Variants in ZBTB7C observed in about 807,000 individuals in gnomAD.
The protein encoded by ZBTB7C is zinc finger and BTB domain-containing protein 7C.
Under a neutral mutation model 25.7 loss-of-function variants are expected in ZBTB7C, and 8 were observed. The ratio of observed to expected loss-of-function variants is 0.31; its 90% CI spans 0.18 to 0.56. The LOEUF (loss-of-function observed/expected upper bound fraction) is 0.56, where lower values mean the gene tolerates loss of function less well. Ranked by LOEUF, ZBTB7C falls within the 20% of genes least tolerant of loss-of-function variation. The probability of loss-of-function intolerance (pLI) is 0.91; values close to 1 mark genes in which losing one functional copy is unlikely to be tolerated. For missense variants in ZBTB7C, 824 were observed against 855.2 expected, an observed-to-expected ratio of 0.96 and a Z score of 0.46; for synonymous variants, 394 against 369.0, an observed-to-expected ratio of 1.07 and a Z score of -0.78.
rs184557784 is a variant in ZBTB7C, at chr18:48,351,398, C to T, written c.-303-13000G>A. On this transcript the variant is annotated intron_variant, in intron 1 of 4. Coordinates refer to ENST00000590800, the MANE Select transcript of ZBTB7C (RefSeq NM_001318841.2). ...CCAAGTTCAAAGGTGTTAAAAGACC[C>T]GTGGCTTTGGGTGTCTCAACCAGCA... is the stretch of plus-strand genomic sequence containing the variant. Among the ~76,000 whole-genome samples, 352 of 152,202 alleles carry T rather than the reference C, an allele frequency of 2.3e-3. 1 individual carries two copies. Among genetic ancestry groups the T allele is most frequent in the Non-Finnish European group, 3.8e-3 (259 of 67,994 alleles).
chr18:48,367,807 A>G (rs2047281988), intron 1 of ZBTB7C, among the ~76,000 whole-genome samples: 1 of 151,862 alleles, frequency 6.6e-6, no homozygotes, highest in African/African-American at 2.4e-5. Context: ...AGACTACCCC[A>G]ACCCCCAACC....
At chr18:48,219,436 T>C (rs894705437) in intron 2 of ZBTB7C, among the ~76,000 whole-genome samples, 12 of 152,232 alleles carry the variant, frequency 7.9e-5, no homozygotes, top group African/African-American at 2.9e-4. Context: ...TACTCCCTAC[T>C]GTATCCCAAT....
At chr18:48,367,861 C>T (rs761679678) in intron 1 of ZBTB7C, among the ~76,000 whole-genome samples, 1 of 151,850 alleles carries the variant, frequency 6.6e-6, no homozygotes, top group East Asian at 1.9e-4. Context: ...TGTAATGAGG[C>T]ACTCCAACTC....
chr18:48,074,368 T>C lies in ZBTB7C; in HGVS notation c.-16-33245A>G, dbSNP rs570242377. Among the ~76,000 whole-genome samples, 6 of 152,314 alleles carry C rather than the reference T, an allele frequency of 3.9e-5. No individual in the cohort carries two copies. The East Asian group carries it at 9.6e-4, about 24-fold the overall frequency. ...ATCTGGGGGGCAGTCATTCCTGAGA[T>C]ATCGCTTTTTCCTTCATATAACACA... On this transcript the variant is annotated intron_variant, in intron 3 of 4. Transcript: ENST00000590800.
chr18:48,276,287 T>TC (rs141078989), intron 2 of ZBTB7C, among the ~76,000 whole-genome samples: 14,513 of 150,226 alleles, frequency 0.097, 803 homozygotes, highest in South Asian at 0.17. Flanking sequence ...TTTTTTTTTT[T>TC]CTAAGTCTTT....
At chr18:48,270,822 G>A (rs1032054072) in intron 2 of ZBTB7C, among the ~76,000 whole-genome samples, 19 of 151,760 alleles carry the variant, frequency 1.3e-4, no homozygotes, top group South Asian at 1.0e-3. Flanking sequence ...TTACTGGCAC[G>A]CCCGGCCCTA....
intron 2 of ZBTB7C, among the ~76,000 whole-genome samples, chr18:48,295,823 A>G (rs1307740289): frequency 6.6e-6 from 1 of 152,118 alleles, no homozygotes; most frequent in East Asian, 1.9e-4. Context: ...GCCCAGCAGC[A>G]GCAGGAGGGG....
chr18:48,290,961 G>A (rs1015178891), intron 2 of ZBTB7C, among the ~76,000 whole-genome samples: 3 of 152,204 alleles, frequency 2.0e-5, no homozygotes, highest in Non-Finnish European at 4.4e-5. Flanking sequence ...ACATTCTCTA[G>A]GCTCTATAAA....
At chr18:48,240,151 C>A (rs2043485507) in intron 2 of ZBTB7C, among the ~76,000 whole-genome samples, 1 of 151,834 alleles carries the variant, frequency 6.6e-6, no homozygotes, top group Non-Finnish European at 1.5e-5. Flanking sequence ...TGAATTAACC[C>A]AATCCAACAA....
chr18:48,235,756 G>A (rs756517617), intron 2 of ZBTB7C, among the ~76,000 whole-genome samples: 6 of 152,124 alleles, frequency 3.9e-5, no homozygotes, highest in Admixed American at 6.5e-5. Flanking sequence ...GCACTTTGAA[G>A]ATGTCTTCTA....
chr18:48,051,767 G>A lies in ZBTB7C; in HGVS notation c.-16-10644C>T, dbSNP rs73953667. ...TTCAGTTTGCTAGGGTGCAACTGCA[G>A]GGTCAAGAGCTGGCGGGACACACCA... On this transcript the variant is annotated intron_variant, in intron 3 of 4. Coordinates refer to ENST00000590800, the MANE Select transcript of ZBTB7C (RefSeq NM_001318841.2). Among the ~76,000 whole-genome samples, 1,152 of 152,308 alleles carry A rather than the reference G, an allele frequency of 7.6e-3. 11 individuals carry two copies. Among genetic ancestry groups the A allele is most frequent in the African/African-American group, 0.026 (1,100 of 41,548 alleles).
chr18:48,075,348 C>G (rs560790497), intron 3 of ZBTB7C, among the ~76,000 whole-genome samples: 1 of 152,260 alleles, frequency 6.6e-6, no homozygotes, highest in East Asian at 1.9e-4. Flanking sequence ...CATTCTTATC[C>G]AAAGAGGCTG....
upstream of ZBTB7C, chr18:48,410,714 C>T (rs1362742795): frequency 1.3e-5 from 2 of 152,320 alleles, no homozygotes; most frequent in Admixed American, 1.3e-4. Context: ...TCCAGACAGA[C>T]ATAGGAACCC....
Position 48,096,274 on chromosome 18 carries a change from G to A in ZBTB7C, c.-16-55151C>T, listed in dbSNP as rs536556246. Among the ~76,000 whole-genome samples, 12 of 152,270 alleles carry A rather than the reference G, an allele frequency of 7.9e-5. No individual in the cohort carries two copies. In the East Asian group the frequency reaches 1.5e-3, roughly 20 times the overall value. ...AATGCAAGCAAGAGAGGAAGAAAAC[G>A]GAATCACAGGCCTGATCCCTTCAAG... On this transcript the variant is annotated intron_variant, in intron 3 of 4. Coordinates refer to ENST00000590800, the MANE Select transcript of ZBTB7C (RefSeq NM_001318841.2).
At chr18:48,281,364 A>G (rs1193042263) in intron 2 of ZBTB7C, among the ~76,000 whole-genome samples, 1 of 152,210 alleles carries the variant, frequency 6.6e-6, no homozygotes, top group Admixed American at 6.5e-5. Context: ...ACCCTAGAAG[A>G]AAACCTAGGC....
intron 3 of ZBTB7C, among the ~76,000 whole-genome samples, chr18:48,135,440 A>G (rs1345390468): frequency 6.6e-6 from 1 of 152,174 alleles, no homozygotes; most frequent in Non-Finnish European, 1.5e-5. Flanking sequence ...TACTACCTGG[A>G]CAATGTATTT....
At chr18:48,291,895 C>A (rs867976041) in intron 2 of ZBTB7C, among the ~76,000 whole-genome samples, 1 of 152,134 alleles carries the variant, frequency 6.6e-6, no homozygotes, top group African/African-American at 2.4e-5. Context: ...GGGACTCAGC[C>A]TCTTAAAAAT....
At chr18:48,048,802 C>G (rs752198230) in intron 3 of ZBTB7C, among the ~76,000 whole-genome samples, 1 of 152,192 alleles carries the variant, frequency 6.6e-6, no homozygotes, top group Non-Finnish European at 1.5e-5. Flanking sequence ...AGGGCTCTCC[C>G]CTGGCATCTG....
intron 2 of ZBTB7C, among the ~76,000 whole-genome samples, chr18:48,237,051 C>T (rs187873429): frequency 7.9e-5 from 12 of 152,196 alleles, no homozygotes; most frequent in Admixed American, 3.9e-4. Context: ...GGACTGAGGA[C>T]GTGGAAAAAC....
Sources: gnomAD v4.1 joint callset for allele counts (sites outside exome capture counted in the v4.1 genomes callset) on GRCh38, gnomAD v4.1.1 for gene constraint, MANE v1.5 for transcripts, NCBI Gene and HGNC (gene_info 2026-07-23, HGNC 2026-07-21) for gene names.